LRP8: variants seen among roughly 807,000 people sequenced by gnomAD.
LRP8 encodes the protein LDL receptor related protein 8.
A neutral mutation model predicts 111.6 loss-of-function variants in LRP8; 46 were observed. That is an observed-to-expected ratio of 0.41 (90% CI 0.33 to 0.53). LRP8 has a LOEUF of 0.53. Ranked by LOEUF, LRP8 falls within the 20% of genes least tolerant of loss-of-function variation. The probability of loss-of-function intolerance (pLI) is 0.20; values close to 1 mark genes in which losing one functional copy is unlikely to be tolerated. For missense variants in LRP8, 959 were observed against 1,297.4 expected, an observed-to-expected ratio of 0.74 and a Z score of 4.01; for synonymous variants, 464 against 511.2, an observed-to-expected ratio of 0.91 and a Z score of 1.24.
rs4926972 is a variant in LRP8 at position 53,327,839 on chromosome 1, T to C, written c.74A>G (p.Gln25Arg). ...LLLLLLLLLL[Q>R]LQHLAAAAAD... is the part of the protein sequence containing the mutation. The stretch of plus-strand genomic sequence containing the variant: ...CGCTGCCGCCGCAAGATGCTGGAGC[T>C]GCAGCAGCAGCAGCAGCAGCAGCAG... Residue 25 changes from glutamine (Q) to arginine (R), a missense_variant, in exon 1 of 19, where the codon CAG becomes CGG. Gln to Arg is a conservative substitution (Grantham distance 43). Around this residue, in one of 3 missense-constraint regions of LRP8, gnomAD observed 97 missense variants for 107.5 expected, o/e 0.90. Transcript: ENST00000306052. 512,772 of 1,486,152 alleles carry C rather than the reference T, an allele frequency of 0.35. 63,107 individuals carry two copies. Among genetic ancestry groups the C allele is most frequent in the African/African-American group, 0.77 (52,588 of 68,576 alleles). 92.1% of individuals were successfully genotyped at this position (1,486,152 alleles called of 1,614,324 possible).
chr1:53,322,568 G>T (rs1364811842), intron 2 of LRP8, among the ~76,000 whole-genome samples: 1 of 152,178 alleles, frequency 6.6e-6, no homozygotes, highest in African/African-American at 2.4e-5. Flanking sequence ...TGGGTAACAG[G>T]AGCAGGTCAC....
In LRP8 at chr1:53,285,616, A is replaced by C. The variant is rs1480174914; in HGVS notation, c.367+3951T>G. 3.3e-5 allele frequency among the ~76,000 whole-genome samples: 5 copies of C among 152,332 alleles called. No individual in the cohort carries two copies. The South Asian group carries it at 1.0e-3, about 32-fold the overall frequency. ...AATCCCTACACTCAGAGCCTGGAACAAACTAGGAGCTCAGAAAACACTTGC... is the reference window on the plus strand; with the variant it reads ...AATCCCTACACTCAGAGCCTGGAACCAACTAGGAGCTCAGAAAACACTTGC... On this transcript the variant is annotated intron_variant, in intron 3 of 18. Coordinates refer to ENST00000306052, the MANE Select transcript of LRP8 (RefSeq NM_004631.5).
At chr1:53,260,668 G>A in intron 12 of LRP8, 63 bp from the exon 13 acceptor site, 2 of 1,553,904 alleles carry the variant, frequency 1.3e-6, no homozygotes, top group South Asian at 1.2e-5. Flanking sequence ...TCAGTCTGAG[G>A]GGTTGGCCCC....
Position 53,249,642 on chromosome 1 carries a change from C to T in LRP8, c.2677-86G>A. ...TGTATAACAGTGACACCTGCTGTGC[C>T]ACTTTGTGGTCCTCATTCCCCCAAA... On this transcript the variant is annotated intron_variant, in intron 17 of 18. Coordinates refer to ENST00000306052, the MANE Select transcript of LRP8 (RefSeq NM_004631.5). This position sits in a 1 kb window ranked among gnomAD's most constrained non-coding sequence, Gnocchi z 4.1. 6.9e-7 allele frequency: 1 copy of T among 1,452,774 alleles called. No homozygotes were observed. The highest frequency in any genetic ancestry group is 1.5e-5 in the South Asian group (1 of 68,368). The allele number at this position is 1,452,774 out of a possible 1,614,324, so 90.0% of individuals were successfully genotyped here. A position where few individuals can be genotyped will look rare whatever the true frequency, so the allele number is the denominator to read the frequency against.
In LRP8 at chr1:53,246,002, TACTCAA is replaced by T. The variant is rs1645717339; in HGVS notation, c.*1010_*1015del. On this transcript the variant is annotated 3_prime_UTR_variant, in exon 19 of 19. Transcript: ENST00000306052. The stretch of plus-strand genomic sequence containing the variant: ...GTGTCCTGAAAGAAATTGAAGAAGT[TACTCAA>T]AGAGCTGAACTTTAAAACAAGGAGT... 6.6e-6 allele frequency: 1 copy of T among 152,500 alleles called. No individual in the cohort carries two copies. The highest frequency in any genetic ancestry group is 2.4e-5 in the African/African-American group (1 of 41,454). The allele number at this position is 152,500 out of a possible 1,614,324, so 9.4% of individuals were successfully genotyped here. A position where few individuals can be genotyped will look rare whatever the true frequency, so the allele number is the denominator to read the frequency against.
At chr1:53,268,366 G>C (rs17378205) in intron 8 of LRP8, 5 of 74,692 alleles carry the variant, frequency 6.7e-5, no homozygotes, top group Non-Finnish European at 1.7e-4. Flanking sequence ...TGTGGATTTT[G>C]TATATGCATG....
chr1:53,276,194 T>C (rs1045773539), intron 5 of LRP8, among the ~76,000 whole-genome samples: 1 of 152,022 alleles, frequency 6.6e-6, no homozygotes, highest in Admixed American at 6.5e-5. Flanking sequence ...CTCCTCATCC[T>C]CTAGGAGCTC....
Position 53,246,542 on chromosome 1 carries a change from A to C in LRP8, c.*476T>G, listed in dbSNP as rs1018058912. 6.7e-6 allele frequency: 1 copy of C among 149,638 alleles called. No homozygotes were observed. The highest frequency in any genetic ancestry group is 2.5e-5 in the African/African-American group (1 of 40,758). The allele number at this position is 149,638 out of a possible 1,614,324, so 9.3% of individuals were successfully genotyped here. ...AATAAATAATCTAAATGGGGGAGGG[A>C]GTTGAAGTGTTTTTTTTTTTTTTTT... On this transcript the variant is annotated 3_prime_UTR_variant, in exon 19 of 19. Transcript: ENST00000306052.
intron 12 of LRP8, among the ~76,000 whole-genome samples, chr1:53,260,866 C>G (rs1055287629): frequency 1.3e-5 from 2 of 152,200 alleles, no homozygotes; most frequent in African/African-American, 4.8e-5. Flanking sequence ...TGAACTAAGC[C>G]TGCTTGCTAG....
intron 2 of LRP8, among the ~76,000 whole-genome samples, chr1:53,311,672 C>T (rs1653027338): frequency 6.6e-6 from 1 of 151,894 alleles, no homozygotes; most frequent in South Asian, 2.1e-4. Context: ...TCTCTTCCAT[C>T]TGTCTCCATC....
intron 3 of LRP8, among the ~76,000 whole-genome samples, chr1:53,285,717 A>G (rs1647431522): frequency 1.3e-5 from 2 of 152,198 alleles, no homozygotes; most frequent in African/African-American, 2.4e-5. Flanking sequence ...AATGCACATT[A>G]TAAGTCCACA....
At chr1:53,257,088 C>G (rs1396359660) in intron 15 of LRP8, 152 bp downstream of exon 15, 4 of 724,640 alleles carry the variant, frequency 5.5e-6, no homozygotes, top group Non-Finnish European at 6.9e-6. Context: ...AAATCGCAGG[C>G]TGGTACTCTA....
intron 3 of LRP8, among the ~76,000 whole-genome samples, chr1:53,285,819 C>CCA (rs1015383437): frequency 6.6e-6 from 1 of 152,148 alleles, no homozygotes; most frequent in Non-Finnish European, 1.5e-5. Context: ...GGCCTGCTCT[C>CCA]CAAGTACCCT....
rs74736746 is a variant in LRP8, at chr1:53,323,092, G to A, written c.244+3781C>T. On this transcript the variant is annotated intron_variant, in intron 2 of 18. Coordinates refer to ENST00000306052, the MANE Select transcript of LRP8 (RefSeq NM_004631.5). ...AACTTCCTAGAGGAGGAAGCGAGGT[G>A]GAGTAGCCTTAAGATGTCATCTCAA... Among the ~76,000 whole-genome samples, 83 of 152,246 alleles carry A rather than the reference G, an allele frequency of 5.5e-4. 3 individuals are homozygous for A. The East Asian group carries it at 0.014, about 27-fold the overall frequency.
Position 53,257,333 on chromosome 1 carries a change from T to G in LRP8, c.2341A>C (p.Thr781Pro). ...QNHSTETPSL[T>P]AAVPSSVSVP... The stretch of plus-strand genomic sequence containing the variant: ...CTAACTGAGCTTGGGACTGCAGCTG[T>G]CAGGCTTGGTGTCTCTGTGCTGTGG... Residue 781 changes from threonine (T) to proline (P), a missense_variant, in exon 15 of 19, where the codon ACA becomes CCA. Thr to Pro is a conservative substitution (Grantham distance 38). This residue lies in a region of LRP8 where 819 missense variants were observed against 1,097.6 expected (regional missense o/e 0.75). Coordinates refer to ENST00000306052, the MANE Select transcript of LRP8 (RefSeq NM_004631.5). The G allele has an allele frequency of 6.2e-7, 1 of 1,614,156 alleles. No individual in the cohort carries two copies. Among genetic ancestry groups the G allele is most frequent in the Non-Finnish European group, 8.5e-7 (1 of 1,180,014 alleles).
Position 53,271,214 on chromosome 1 carries a change from GAGA to G in LRP8, c.1126+10_1126+12del, listed in dbSNP as rs752885225. ...GATCTGCTTCTGCTTGGGGGTGTGG[GAGA>G]AGGTCTCACCGCCACAGGTCTTCTG... is the stretch of plus-strand genomic sequence containing the variant. On this transcript the variant is annotated intron_variant, in intron 7 of 18. Coordinates refer to ENST00000306052, the MANE Select transcript of LRP8 (RefSeq NM_004631.5). 7.4e-6 allele frequency: 12 copies of G among 1,613,824 alleles called. No homozygotes were observed. The highest frequency in any genetic ancestry group is 3.3e-5 in the Admixed American group (2 of 59,980).
intron 2 of LRP8, among the ~76,000 whole-genome samples, chr1:53,319,681 C>G (rs193060196): frequency 6.6e-6 from 1 of 152,200 alleles, no homozygotes; most frequent in Non-Finnish European, 1.5e-5. Context: ...CCTGCCACTC[C>G]GGCTGCGGGG....
At chr1:53,261,695 T>C (rs1646345475) in intron 12 of LRP8, among the ~76,000 whole-genome samples, 1 of 152,192 alleles carries the variant, frequency 6.6e-6, no homozygotes, top group Non-Finnish European at 1.5e-5. Context: ...TCAGGCCATT[T>C]CCTCCAGTAA....
intron 2 of LRP8, among the ~76,000 whole-genome samples, chr1:53,320,011 C>T (rs1240553443): frequency 3.3e-5 from 5 of 152,286 alleles, no homozygotes; most frequent in Non-Finnish European, 7.3e-5. Flanking sequence ...ACCAGCGGGG[C>T]CACCCGGGGC....
Sources: allele counts gnomAD v4.1 joint callset (sites outside exome capture counted in the v4.1 genomes callset), GRCh38; gene constraint gnomAD v4.1.1; regional missense constraint gnomAD v4.1.1; non-coding constraint Gnocchi (gnomAD v3.1); transcripts MANE v1.5; gene names NCBI Gene and HGNC (gene_info 2026-07-23, HGNC 2026-07-21).